ACOT7: variants seen among roughly 807,000 people sequenced by gnomAD.
ACOT7 encodes acyl-CoA thioesterase 7, also known as cytosolic acyl coenzyme A thioester hydrolase.
A neutral mutation model predicts 40.2 loss-of-function variants in ACOT7; 12 were observed. The ratio of observed to expected loss-of-function variants is 0.30; its 90% CI spans 0.19 to 0.48. The LOEUF (loss-of-function observed/expected upper bound fraction) is 0.48, where lower values mean the gene tolerates loss of function less well. Ranked by LOEUF, ACOT7 falls within the 20% of genes least tolerant of loss-of-function variation. The pLI, the probability that ACOT7 is intolerant of heterozygous loss-of-function variation, is 0.99. For synonymous variants in ACOT7, 228 were observed against 219.5 expected (o/e 1.04, Z -0.34); for missense variants, 395 against 530.8 (o/e 0.74, Z 2.51).
At chr1:6,386,562 G>C (rs1642444326) in intron 1 of ACOT7, among the ~76,000 whole-genome samples, 1 of 152,126 alleles carries the variant, frequency 6.6e-6, no homozygotes, top group South Asian at 2.1e-4. Context: ...AGCTCCTTGT[G>C]AAAAACCTAA....
intron 6 of ACOT7, among the ~76,000 whole-genome samples, chr1:6,313,080 G>A (rs1640384729): frequency 1.3e-5 from 2 of 152,200 alleles, no homozygotes; most frequent in African/African-American, 4.8e-5. Context: ...TGACCCCAGT[G>A]AGCCAGAACC....
At chr1:6,346,005 C>T (rs994122815) in intron 2 of ACOT7, among the ~76,000 whole-genome samples, 6 of 152,202 alleles carry the variant, frequency 3.9e-5, no homozygotes, top group African/African-American at 1.2e-4. Context: ...TGCCTGCCCT[C>T]GTGGGGCTAC....
intron 2 of ACOT7, among the ~76,000 whole-genome samples, chr1:6,339,889 G>A (rs920904300): frequency 2.0e-5 from 3 of 147,562 alleles, no homozygotes; most frequent in Non-Finnish European, 3.0e-5. Flanking sequence ...ACAGGCGCCC[G>A]CTGGGACTAC....
intron 1 of ACOT7, among the ~76,000 whole-genome samples, chr1:6,361,131 A>G (rs1280822909): frequency 5.9e-5 from 9 of 152,214 alleles, no homozygotes; most frequent in African/African-American, 1.4e-4. Context: ...AAATCCATAC[A>G]ATGAGATATT....
chr1:6,278,872 C>T lies in ACOT7; in HGVS notation c.1014+2230G>A, dbSNP rs1038270322. 3.3e-5 allele frequency among the ~76,000 whole-genome samples: 5 copies of T among 152,288 alleles called. No homozygotes were observed. Among genetic ancestry groups the T allele is most frequent in the Admixed American group, 2.6e-4 (4 of 15,302 alleles). On this transcript the variant is annotated intron_variant, in intron 8 of 8. Transcript: ENST00000361521. This position sits in a 1 kb window ranked among gnomAD's most constrained non-coding sequence, Gnocchi z 4.1. ...CTACAGACAGGGAGCGGACAGCAGA[C>T]AGGGCGTGTCCTTGCGTCTGTCCAT...
chr1:6,317,431 C>T (rs1321756008), intron 6 of ACOT7, among the ~76,000 whole-genome samples: 1 of 152,218 alleles, frequency 6.6e-6, no homozygotes, highest in Non-Finnish European at 1.5e-5. Flanking sequence ...GTTTCCCAAA[C>T]TCTGGGAAGC....
At chr1:6,347,184 C>G (rs368622930) in intron 2 of ACOT7, among the ~76,000 whole-genome samples, 1 of 152,186 alleles carries the variant, frequency 6.6e-6, no homozygotes, top group East Asian at 1.9e-4. Context: ...TTCTCACCCC[C>G]ACGCCCTGGG....
Position 6,383,622 on chromosome 1 carries a change from A to G in ACOT7, c.143+9635T>C, listed in dbSNP as rs570684378. On this transcript the variant is annotated intron_variant, in intron 1 of 8. Coordinates refer to ENST00000361521, the MANE Select transcript of ACOT7 (RefSeq NM_007274.4). ...GTGCAATAAGCTCACTACAGCCTCAACTTCCTGGGTTCAAGCAATCTTCCT... is the reference window on the plus strand; with the variant it reads ...GTGCAATAAGCTCACTACAGCCTCAGCTTCCTGGGTTCAAGCAATCTTCCT... Among the ~76,000 whole-genome samples the G allele has an allele frequency of 7.3e-5, 11 of 150,942 alleles. No homozygotes were observed. The South Asian group carries it at 2.1e-3, about 29-fold the overall frequency.
At chr1:6,324,944 G>A (rs751803014) in intron 5 of ACOT7, among the ~76,000 whole-genome samples, 7 of 152,110 alleles carry the variant, frequency 4.6e-5, no homozygotes, top group South Asian at 2.1e-4. Flanking sequence ...GACACCTCCC[G>A]TTGCTCCCAT....
At chr1:6,316,519 T>C (rs2148419587) in intron 6 of ACOT7, among the ~76,000 whole-genome samples, 1 of 152,186 alleles carries the variant, frequency 6.6e-6, no homozygotes, top group South Asian at 2.1e-4. Flanking sequence ...GAAACATATC[T>C]CACATCAGGG....
intron 1 of ACOT7, among the ~76,000 whole-genome samples, chr1:6,384,871 G>C (rs1642409037): frequency 6.6e-6 from 1 of 151,880 alleles, no homozygotes; most frequent in African/African-American, 2.4e-5. Flanking sequence ...ACAGCTCTGT[G>C]AACATAAAAC....
intron 7 of ACOT7, among the ~76,000 whole-genome samples, chr1:6,284,160 C>T (rs1165289370): frequency 6.6e-6 from 1 of 152,166 alleles, no homozygotes; most frequent in Admixed American, 6.5e-5. Flanking sequence ...GCTCAGAAGG[C>T]ACATCCCACA....
At chr1:6,326,612 G>A (rs1172644324) in intron 5 of ACOT7, among the ~76,000 whole-genome samples, 1 of 151,180 alleles carries the variant, frequency 6.6e-6, no homozygotes, top group Admixed American at 6.6e-5. Context: ...TTTTTTGGAT[G>A]AGTTGGAAAT....
chr1:6,304,999 ACGGGGCGGCTGGCCGGG>A (rs1388304875), intron 6 of ACOT7, among the ~76,000 whole-genome samples: 1 of 148,272 alleles, frequency 6.7e-6, no homozygotes. Context: ...CACCTCCCGG[ACGGGGCGGCTGGCCGGG>A]CGGGGCGCTG....
At chr1:6,276,647 G>T (rs138305543) in intron 8 of ACOT7, among the ~76,000 whole-genome samples, 12 of 152,190 alleles carry the variant, frequency 7.9e-5, no homozygotes, top group African/African-American at 2.9e-4. Flanking sequence ...CTGGAGGGAC[G>T]GAACGCACAT....
intron 1 of ACOT7, among the ~76,000 whole-genome samples, chr1:6,384,910 GA>G (rs1430972149): frequency 6.6e-6 from 1 of 151,954 alleles, no homozygotes; most frequent in Admixed American, 6.5e-5. Context: ...ACACATTAGT[GA>G]ATGAATTGTA....
At chr1:6,383,933 TG>T (rs1321536242) in intron 1 of ACOT7, among the ~76,000 whole-genome samples, 1 of 151,756 alleles carries the variant, frequency 6.6e-6, no homozygotes, top group African/African-American at 2.4e-5. Context: ...CTCGATCCCC[TG>T]ACCTCGTGAT....
intron 2 of ACOT7, among the ~76,000 whole-genome samples, chr1:6,345,988 G>C (rs1019098262): frequency 2.0e-5 from 3 of 152,244 alleles, no homozygotes; most frequent in African/African-American, 7.2e-5. Flanking sequence ...ACCAAGGGCA[G>C]AAGTCCTGCC....
intron 7 of ACOT7, among the ~76,000 whole-genome samples, chr1:6,286,445 G>C (rs1239125103): frequency 6.6e-6 from 1 of 152,158 alleles, no homozygotes; most frequent in Non-Finnish European, 1.5e-5. Context: ...AGGGCTCTTC[G>C]AGGCCCTGGA....
Sources: allele counts gnomAD v4.1 joint callset (sites outside exome capture counted in the v4.1 genomes callset), GRCh38; gene constraint gnomAD v4.1.1; non-coding constraint Gnocchi (gnomAD v3.1); transcripts MANE v1.5; gene names NCBI Gene and HGNC (gene_info 2026-07-23, HGNC 2026-07-21).